The following STAU2 variants were observed in gnomAD, a reference collection of about 807,000 sequenced individuals.
STAU2 encodes the protein double-stranded RNA-binding protein Staufen homolog 2.
STAU2 carries 20 observed loss-of-function variants against 65.9 expected under a neutral mutation model. That is an observed-to-expected ratio of 0.30 (90% confidence interval 0.21 to 0.44). STAU2 has a LOEUF of 0.44. Ranked by LOEUF, STAU2 falls within the 20% of genes least tolerant of loss-of-function variation. STAU2 has a pLI of 1.00. For synonymous variants in STAU2, 232 were observed against 233.9 expected (o/e 0.99, Z 0.07); for missense variants, 558 against 683.9 (o/e 0.82, Z 2.05).
At chr8:73,579,983 T>C (rs542797813) in intron 12 of STAU2, among the ~76,000 whole-genome samples, 2 of 152,310 alleles carry the variant, frequency 1.3e-5, no homozygotes, top group South Asian at 2.1e-4. Flanking sequence ...TAAATGCACA[T>C]GTACATTAAT....
intron 13 of STAU2, among the ~76,000 whole-genome samples, chr8:73,447,610 A>T (rs543669209): frequency 5.3e-5 from 8 of 152,350 alleles, no homozygotes; most frequent in African/African-American, 1.9e-4. Flanking sequence ...ATTTGTAACA[A>T]GTTGTGGGTA....
At chr8:73,531,296 T>G (rs1563404842) in intron 13 of STAU2, among the ~76,000 whole-genome samples, 1 of 152,262 alleles carries the variant, frequency 6.6e-6, no homozygotes, top group South Asian at 2.1e-4. Flanking sequence ...GCCAGAAAAC[T>G]ATGGAATTTG....
chr8:73,604,420 G>C (rs376616542), intron 9 of STAU2, among the ~76,000 whole-genome samples: 73 of 152,056 alleles, frequency 4.8e-4, no homozygotes, highest in African/African-American at 1.7e-3. Context: ...AGTAGAGATG[G>C]GGTTTCATCA....
At chr8:73,646,273 A>C (rs1815364718) in intron 6 of STAU2, among the ~76,000 whole-genome samples, 1 of 152,258 alleles carries the variant, frequency 6.6e-6, no homozygotes, top group Non-Finnish European at 1.5e-5. Flanking sequence ...CAAAGAAAGC[A>C]GAGTATTCAA....
chr8:73,598,573 A>G (rs1811383981), intron 10 of STAU2, among the ~76,000 whole-genome samples: 1 of 152,194 alleles, frequency 6.6e-6, no homozygotes, highest in Admixed American at 6.5e-5. Context: ...CAAAACACCT[A>G]CAGCAAACCT....
At chr8:73,610,933 C>T (rs2129810263) in intron 9 of STAU2, among the ~76,000 whole-genome samples, 1 of 152,296 alleles carries the variant, frequency 6.6e-6, no homozygotes, top group African/African-American at 2.4e-5. Flanking sequence ...GATTCTGCTA[C>T]AGGATCTTGG....
upstream of STAU2, chr8:73,747,407 G>A: frequency 3.3e-6 from 5 of 1,535,362 alleles, no homozygotes; most frequent in Non-Finnish European, 4.4e-6. Context: ...CTCTCCGGCT[G>A]CCCCTCTGTG....
chr8:73,680,183 G>C lies in STAU2; in HGVS notation c.275-6941C>G, dbSNP rs1818329640. ...AATAGGGGGCCGGCGGGAATAGGGG[G>C]CCAATGGAAAGTACAGATATGAGAA... is the stretch of plus-strand genomic sequence containing the variant. On this transcript the variant is annotated intron_variant, in intron 5 of 14. Coordinates refer to ENST00000524300, the MANE Select transcript of STAU2 (RefSeq NM_001164380.2). Among the ~76,000 whole-genome samples, 5 of 138,562 alleles carry C rather than the reference G, an allele frequency of 3.6e-5. No individual in the cohort carries two copies. In the South Asian group the frequency reaches 1.4e-3, roughly 38 times the overall value. The allele number at this position is 138,562 out of a possible 152,430, so 90.9% of individuals were successfully genotyped here.
intron 13 of STAU2, among the ~76,000 whole-genome samples, chr8:73,485,386 G>A (rs2128912760): frequency 6.6e-6 from 1 of 152,074 alleles, no homozygotes; most frequent in South Asian, 2.1e-4. Flanking sequence ...ACAATTCTGT[G>A]AATGTAAAAG....
At chr8:73,440,538 T>G (rs1818056618) in intron 13 of STAU2, 2 of 152,224 alleles carry the variant, frequency 1.3e-5, no homozygotes, top group Admixed American at 1.3e-4. Context: ...CTGTTGGTTC[T>G]TTTTTGAAAT....
At chr8:73,490,622 G>A (rs1008755672) in intron 13 of STAU2, among the ~76,000 whole-genome samples, 7 of 151,962 alleles carry the variant, frequency 4.6e-5, no homozygotes, top group Non-Finnish European at 1.0e-4. Flanking sequence ...CAGCTCCAAG[G>A]AGTATAGCTC....
At chr8:73,425,340 G>C (rs956229772) in intron 13 of STAU2, among the ~76,000 whole-genome samples, 2 of 152,344 alleles carry the variant, frequency 1.3e-5, no homozygotes, top group East Asian at 1.9e-4. Flanking sequence ...AACGCCACGT[G>C]AAGATGGTGG....
chr8:73,466,720 A>G (rs1471298855), intron 13 of STAU2, among the ~76,000 whole-genome samples: 2 of 152,202 alleles, frequency 1.3e-5, no homozygotes, highest in Non-Finnish European at 2.9e-5. Flanking sequence ...TACAGCCCTC[A>G]TCAACTTCTA....
chr8:73,630,380 T>C (rs1454271527), intron 6 of STAU2, among the ~76,000 whole-genome samples: 1 of 152,248 alleles, frequency 6.6e-6, no homozygotes, highest in Non-Finnish European at 1.5e-5. Flanking sequence ...GAGATGATAT[T>C]GGTAGAGACA....
chr8:73,507,671 T>C (rs1489265271), intron 13 of STAU2, among the ~76,000 whole-genome samples: 2 of 152,204 alleles, frequency 1.3e-5, no homozygotes, highest in African/African-American at 2.4e-5. Flanking sequence ...TTTGAAGCTT[T>C]GAATTCAAGC....
At chr8:73,724,057 G>A (rs1198976565) in intron 3 of STAU2, among the ~76,000 whole-genome samples, 10 of 152,162 alleles carry the variant, frequency 6.6e-5, no homozygotes, top group African/African-American at 2.4e-4. Context: ...TCAACTCAGA[G>A]TCTGCCAGAC....
chr8:73,730,838 C>CTAG (rs1806011760), intron 3 of STAU2, among the ~76,000 whole-genome samples: 2 of 151,740 alleles, frequency 1.3e-5, no homozygotes, highest in South Asian at 4.2e-4. Context: ...TGTTGAGGTC[C>CTAG]TCTAGTCCCT....
intron 13 of STAU2, among the ~76,000 whole-genome samples, chr8:73,523,196 CAAAAAAAAAA>C (rs763732188): frequency 6.4e-5 from 5 of 78,642 alleles, no homozygotes; most frequent in Admixed American, 1.4e-4. Flanking sequence ...ACTTTGTCTC[CAAAAAAAAAA>C]AAAAAAAAAA....
chr8:73,545,674 G>A (rs1173700150), intron 13 of STAU2, among the ~76,000 whole-genome samples: 1 of 147,406 alleles, frequency 6.8e-6, no homozygotes, highest in Non-Finnish European at 1.5e-5. Context: ...TTGAGACAGA[G>A]TCTCACACTG....
Sources: allele counts gnomAD v4.1 joint callset (sites outside exome capture counted in the v4.1 genomes callset), GRCh38; gene constraint gnomAD v4.1.1; transcripts MANE v1.5; gene names NCBI Gene and HGNC (gene_info 2026-07-23, HGNC 2026-07-21).